AP1G1: variants seen among roughly 807,000 people sequenced by gnomAD.
AP1G1 encodes the protein adaptor related protein complex 1 subunit gamma 1.
A neutral mutation model predicts 108.3 loss-of-function variants in AP1G1; 7 were observed. The ratio of observed to expected loss-of-function variants is 0.06; its 90% CI spans 0.04 to 0.12. AP1G1 has a LOEUF of 0.12. AP1G1 is among the 10% of genes least tolerant of loss of function. The pLI is 1.00. For missense variants in AP1G1, 756 were observed against 1,010.7 expected (o/e 0.75, Z 3.42); for synonymous variants, 379 against 353.5 (o/e 1.07, Z -0.81).
chr16:71,768,311 AC>A (rs1387847556), intron 6 of AP1G1, among the ~76,000 whole-genome samples: 2 of 151,110 alleles, frequency 1.3e-5, no homozygotes, highest in Non-Finnish European at 3.0e-5. Context: ...AGCCTGGCTA[AC>A]ATGGTGAAAC....
rs535900525 is a variant in AP1G1 at position 71,805,709 on chromosome 16, A to T, written c.-4+3054T>A. On this transcript the variant is annotated intron_variant, in intron 1 of 22. Transcript: ENST00000299980. Reference sequence around the variant, plus strand: ...TTTTAATTAAAAATAATATCTTGGAAAATACTCATTCAACTTTTTAAATTT... The same window carrying T: ...TTTTAATTAAAAATAATATCTTGGATAATACTCATTCAACTTTTTAAATTT... 2.6e-5 allele frequency among the ~76,000 whole-genome samples: 4 copies of T among 152,282 alleles called. No homozygotes were observed. The South Asian group carries it at 6.2e-4, about 24-fold the overall frequency.
chr16:71,748,191 A>AT (rs780851239), intron 16 of AP1G1, 60 bp downstream of exon 16: 86 of 1,556,522 alleles, frequency 5.5e-5, no homozygotes, highest in South Asian at 1.8e-4. Flanking sequence ...GTTTTTTGGG[A>AT]TTTTTTTTGT....
At chr16:71,743,841 G>A (rs1424106842) in intron 19 of AP1G1, among the ~76,000 whole-genome samples, 1 of 151,612 alleles carries the variant, frequency 6.6e-6, no homozygotes, top group Admixed American at 6.6e-5. Context: ...AGCTATTCAG[G>A]AGGCTGAGGC....
intron 2 of AP1G1, among the ~76,000 whole-genome samples, chr16:71,775,194 T>C (rs2031736363): frequency 6.8e-6 from 1 of 146,444 alleles, no homozygotes; most frequent in South Asian, 2.2e-4. Context: ...ACCCAGGTAA[T>C]TTTTTTTTTG....
At chr16:71,749,388 T>C (rs1479163224) in intron 15 of AP1G1, among the ~76,000 whole-genome samples, 1 of 151,018 alleles carries the variant, frequency 6.6e-6, no homozygotes, top group African/African-American at 2.4e-5. Flanking sequence ...GAGGCTGAGG[T>C]GGGAAGATCG....
chr16:71,755,206 G>A (rs576358652), intron 12 of AP1G1, among the ~76,000 whole-genome samples: 8 of 152,110 alleles, frequency 5.3e-5, no homozygotes, highest in East Asian at 1.9e-4. Flanking sequence ...CAGGCGAATC[G>A]CTTGAGTCCA....
chr16:71,771,109 T>C lies in AP1G1; in HGVS notation c.565+47A>G, dbSNP rs566660434. 4.0e-6 allele frequency: 5 copies of C among 1,247,008 alleles called. No homozygotes were observed. In the Admixed American group the frequency reaches 7.1e-5, roughly 18 times the overall value. The allele number at this position is 1,247,008 out of a possible 1,614,324, so 77.2% of individuals were successfully genotyped here. ...TAACATAGCCTTAAGCCTTTTCTCT[T>C]TCCCTTTCTCCCTCAATACTTCATG... On this transcript the variant is annotated intron_variant, in intron 5 of 22. Coordinates refer to ENST00000299980, the MANE Select transcript of AP1G1 (RefSeq NM_001128.6).
chr16:71,782,188 G>C (rs931890363), intron 2 of AP1G1, among the ~76,000 whole-genome samples: 1 of 152,080 alleles, frequency 6.6e-6, no homozygotes, highest in Admixed American at 6.6e-5. Context: ...TATTGACACA[G>C]AGTCTCACTC....
rs1371580262 is a variant in AP1G1 at position 71,746,886 on chromosome 16, T to C, written c.1626-194A>G. The C allele has an allele frequency of 2.8e-5, 12 of 432,852 alleles. No homozygotes were observed. The East Asian group carries it at 4.0e-4, about 14-fold the overall frequency. 26.8% of individuals were successfully genotyped at this position (432,852 alleles called of 1,614,324 possible). The stretch of plus-strand genomic sequence containing the variant: ...TGACATTCGCATTATACTATTCTCA[T>C]TGTAACACTAGATTTTTGTCTGTTA... On this transcript the variant is annotated intron_variant, in intron 16 of 22. Transcript: ENST00000299980.
At chr16:71,806,589 TTA>T (rs2033004812) in intron 1 of AP1G1, 4 of 731,664 alleles carry the variant, frequency 5.5e-6, no homozygotes, top group Non-Finnish European at 7.8e-6. Flanking sequence ...AAACACTGAG[TTA>T]ACTAACATCT....
At chr16:71,785,154 T>A (rs1189957607) in intron 2 of AP1G1, among the ~76,000 whole-genome samples, 3 of 151,918 alleles carry the variant, frequency 2.0e-5, no homozygotes, top group Non-Finnish European at 4.4e-5. Flanking sequence ...AATTTGTACA[T>A]TTTCATCAGA....
chr16:71,792,414 A>G (rs1054013998), intron 1 of AP1G1, among the ~76,000 whole-genome samples: 3 of 152,196 alleles, frequency 2.0e-5, no homozygotes, highest in Non-Finnish European at 4.4e-5. Context: ...TACCCTAGAT[A>G]TATAAGAAAG....
intron 1 of AP1G1, chr16:71,808,332 A>C (rs2033069858): frequency 1.3e-6 from 1 of 758,258 alleles, no homozygotes; most frequent in Non-Finnish European, 1.8e-6. Context: ...GGGCATTTGG[A>C]TATGCTGGGA....
chr16:71,764,737 A>C lies in AP1G1; in HGVS notation c.739-11T>G. On this transcript the variant is annotated splice_polypyrimidine_tract_variant and intron_variant, in intron 7 of 22. Coordinates refer to ENST00000299980, the MANE Select transcript of AP1G1 (RefSeq NM_001128.6). ...CCGCAAAATTCGTACCTAACGTGCAAAAGATGAGAGGTGTCAACAAATTAT... is the reference window on the plus strand; with the variant it reads ...CCGCAAAATTCGTACCTAACGTGCACAAGATGAGAGGTGTCAACAAATTAT... 5 of 1,587,130 alleles carry C rather than the reference A, an allele frequency of 3.2e-6. No individual in the cohort carries two copies. The highest frequency in any genetic ancestry group is 4.3e-6 in the Non-Finnish European group (5 of 1,162,970).
intron 2 of AP1G1, among the ~76,000 whole-genome samples, chr16:71,789,009 C>CA (rs991679327): frequency 2.0e-5 from 3 of 152,132 alleles, no homozygotes; most frequent in Non-Finnish European, 4.4e-5. Context: ...GCAGAACCAC[C>CA]ACATAATCCT....
chr16:71,762,542 T>C (rs1298949982), intron 9 of AP1G1, among the ~76,000 whole-genome samples: 1 of 152,142 alleles, frequency 6.6e-6, no homozygotes, highest in Non-Finnish European at 1.5e-5. Flanking sequence ...GTTAAGCTGA[T>C]CACCGATGAT....
intron 5 of AP1G1, among the ~76,000 whole-genome samples, chr16:71,770,552 A>T (rs994470200): frequency 5.3e-5 from 8 of 152,210 alleles, no homozygotes; most frequent in Non-Finnish European, 1.2e-4. Flanking sequence ...ATCTTGGCTC[A>T]TTGCAACTTC....
At chr16:71,797,651 T>C (rs908365734) in intron 1 of AP1G1, among the ~76,000 whole-genome samples, 3 of 152,076 alleles carry the variant, frequency 2.0e-5, no homozygotes, top group East Asian at 3.9e-4. Flanking sequence ...ATACAAAAAT[T>C]AGCCGGGCGC....
At chr16:71,750,451 G>A in intron 13 of AP1G1, 119 bp from the exon 14 acceptor site, 2 of 1,285,634 alleles carry the variant, frequency 1.6e-6, no homozygotes, top group Admixed American at 2.1e-5. Flanking sequence ...GTCTCGCTCT[G>A]TCACCCAGGC....
Sources: gnomAD v4.1 joint callset for allele counts (sites outside exome capture counted in the v4.1 genomes callset) on GRCh38, gnomAD v4.1.1 for gene constraint, MANE v1.5 for transcripts, NCBI Gene and HGNC (gene_info 2026-07-23, HGNC 2026-07-21) for gene names.